The following LRP1B variants were observed in gnomAD, a reference collection of about 807,000 sequenced individuals.
The protein encoded by LRP1B is low-density lipoprotein receptor-related protein 1B.
Under a neutral mutation model 556.6 loss-of-function variants are expected in LRP1B, and 217 were observed. That is an observed-to-expected ratio of 0.39 (90% CI 0.35 to 0.44). The LOEUF is 0.44. LRP1B is among the 20% of genes least tolerant of loss of function. The probability of loss-of-function intolerance (pLI) is 1.00; values close to 1 mark genes in which losing one functional copy is unlikely to be tolerated. For missense variants in LRP1B, 5,053 were observed against 5,620.8 expected, an observed-to-expected ratio of 0.90 and a Z score of 3.23; for synonymous variants, 2,047 against 1,865.8, an observed-to-expected ratio of 1.10 and a Z score of -2.50.
intron 67 of LRP1B, among the ~76,000 whole-genome samples, chr2:140,382,761 T>C (rs1404068019): frequency 1.3e-5 from 2 of 152,320 alleles, no homozygotes; most frequent in Non-Finnish European, 2.9e-5. Flanking sequence ...TGAAATCAGA[T>C]TCATAAACAA....
At chr2:141,484,862 G>A (rs1683062183) in intron 2 of LRP1B, among the ~76,000 whole-genome samples, 1 of 151,930 alleles carries the variant, frequency 6.6e-6, no homozygotes, top group Non-Finnish European at 1.5e-5. Context: ...GGAGATTTTG[G>A]GCTGAGACGA....
intron 35 of LRP1B, among the ~76,000 whole-genome samples, chr2:140,764,456 T>C (rs1025484431): frequency 6.6e-6 from 1 of 152,126 alleles, no homozygotes; most frequent in African/African-American, 2.4e-5. Context: ...ACCTGTATCA[T>C]GAGGGAGTGC....
At chr2:141,201,165 GGAT>G (rs1224908437) in intron 6 of LRP1B, among the ~76,000 whole-genome samples, 2 of 152,110 alleles carry the variant, frequency 1.3e-5, no homozygotes, top group Non-Finnish European at 2.9e-5. Flanking sequence ...ATAGTATGAG[GGAT>G]GATAACACCA....
intron 35 of LRP1B, among the ~76,000 whole-genome samples, chr2:140,718,743 C>T (rs527728697): frequency 5.3e-5 from 8 of 152,168 alleles, no homozygotes; most frequent in East Asian, 3.9e-4. Context: ...CCAACTCCCT[C>T]CAATCCTCCC....
chr2:140,273,134 TG>T (rs766090910), intron 85 of LRP1B, among the ~76,000 whole-genome samples: 4 of 151,994 alleles, frequency 2.6e-5, no homozygotes, highest in East Asian at 3.9e-4. Context: ...ATTTCTCAGA[TG>T]TGATCTCGGA....
intron 37 of LRP1B, among the ~76,000 whole-genome samples, chr2:140,709,572 G>T (rs866114627): frequency 1.3e-5 from 2 of 151,938 alleles, no homozygotes; most frequent in African/African-American, 4.8e-5. Flanking sequence ...ACTCATACAT[G>T]ATTCCTATTT....
intron 2 of LRP1B, among the ~76,000 whole-genome samples, chr2:141,668,102 G>C (rs1185136345): frequency 1.3e-5 from 2 of 152,102 alleles, no homozygotes; most frequent in African/African-American, 2.4e-5. Context: ...GGCTCTTATG[G>C]AAAAGACAAC....
In LRP1B at chr2:140,819,919, G is replaced by A. The variant is rs558717987; in HGVS notation, c.5210-6113C>T. Among the ~76,000 whole-genome samples the A allele has an allele frequency of 2.0e-5, 3 of 152,250 alleles. No individual in the cohort carries two copies. In the South Asian group the frequency reaches 6.2e-4, roughly 32 times the overall value. Reference sequence around the variant, plus strand: ...AAAATTCAGCACACTAATGCAATATGACCCAGTATTGCATTCCTGGGAATT... The same window carrying A: ...AAAATTCAGCACACTAATGCAATATAACCCAGTATTGCATTCCTGGGAATT... On this transcript the variant is annotated intron_variant, in intron 31 of 90. Transcript: ENST00000389484.
chr2:140,990,849 C>T (rs1697071577), intron 16 of LRP1B, among the ~76,000 whole-genome samples: 1 of 152,054 alleles, frequency 6.6e-6, no homozygotes, highest in African/African-American at 2.4e-5. Flanking sequence ...AGTAGTTACA[C>T]TTCGTATGAT....
chr2:141,398,611 G>A (rs12052880), intron 3 of LRP1B, among the ~76,000 whole-genome samples: 40,666 of 152,068 alleles, frequency 0.27, 6,630 homozygotes, highest in East Asian at 0.7. Flanking sequence ...GCTAACATGA[G>A]ACTCTGGAGA....
chr2:140,533,761 C>T (rs181687002), intron 47 of LRP1B, among the ~76,000 whole-genome samples: 5 of 152,068 alleles, frequency 3.3e-5, no homozygotes, highest in Admixed American at 6.6e-5. Context: ...TAGAAATGTC[C>T]GAATCCAGGA....
chr2:141,062,344 A>G (rs1699359331), intron 7 of LRP1B, 71 bp from the exon 8 acceptor site: 2 of 980,360 alleles, frequency 2.0e-6, no homozygotes, highest in Non-Finnish European at 3.0e-6. Context: ...GCCATCTGTA[A>G]AAAACAGAAC....
At chr2:142,004,244 A>G (rs1702739594) in intron 1 of LRP1B, among the ~76,000 whole-genome samples, 1 of 152,152 alleles carries the variant, frequency 6.6e-6, no homozygotes, top group East Asian at 1.9e-4. Context: ...GAACTGAGAA[A>G]AACTACTAAT....
At chr2:141,385,540 A>G (rs1225767977) in intron 3 of LRP1B, among the ~76,000 whole-genome samples, 17 of 152,206 alleles carry the variant, frequency 1.1e-4, no homozygotes, top group Admixed American at 1.1e-3. Context: ...GCAGAACAAG[A>G]GCAGCATGCA....
At chr2:140,603,096 CA>C (rs973712250) in intron 41 of LRP1B, among the ~76,000 whole-genome samples, 1 of 151,866 alleles carries the variant, frequency 6.6e-6, no homozygotes, top group Non-Finnish European at 1.5e-5. Context: ...AGGAATGATT[CA>C]TTAGTCTTAA....
chr2:141,580,632 A>G (rs1306618769), intron 2 of LRP1B, among the ~76,000 whole-genome samples: 3 of 152,250 alleles, frequency 2.0e-5, no homozygotes, highest in South Asian at 4.1e-4. Context: ...TAAAAATAAT[A>G]GAAATATGAA....
chr2:140,455,729 T>C (rs1486703628), intron 62 of LRP1B, among the ~76,000 whole-genome samples: 1 of 152,158 alleles, frequency 6.6e-6, no homozygotes, highest in Non-Finnish European at 1.5e-5. Flanking sequence ...TGCAATGAAA[T>C]CATTGCTAGT....
chr2:141,183,669 A>G (rs1483822649), intron 7 of LRP1B, among the ~76,000 whole-genome samples: 1 of 152,030 alleles, frequency 6.6e-6, no homozygotes, highest in Admixed American at 6.6e-5. Flanking sequence ...TTCATCCCAC[A>G]CAGAAATAAG....
intron 15 of LRP1B, among the ~76,000 whole-genome samples, chr2:140,996,099 G>C (rs1204507131): frequency 1.3e-5 from 2 of 151,788 alleles, no homozygotes; most frequent in African/African-American, 4.8e-5. Flanking sequence ...ATGAATCTGA[G>C]GCTAACATGC....
Sources: gnomAD v4.1 joint callset for allele counts (sites outside exome capture counted in the v4.1 genomes callset) on GRCh38, gnomAD v4.1.1 for gene constraint, MANE v1.5 for transcripts, NCBI Gene and HGNC (gene_info 2026-07-23, HGNC 2026-07-21) for gene names.